The following LAMA2 variants were observed in gnomAD, a reference collection of about 807,000 sequenced individuals.
The protein encoded by LAMA2 is laminin subunit alpha 2.
Under a neutral mutation model 364.8 loss-of-function variants are expected in LAMA2, and 269 were observed. The ratio of observed to expected loss-of-function variants is 0.74; its 90% CI spans 0.67 to 0.82. LAMA2 has a LOEUF of 0.82. LAMA2 is among the 40% of genes least tolerant of loss of function. LAMA2 has a pLI of 0.00. For synonymous variants in LAMA2, 1,379 were observed against 1,370.6 expected, an observed-to-expected ratio of 1.01 and a Z score of -0.14; for missense variants, 3,807 against 3,873.2, an observed-to-expected ratio of 0.98 and a Z score of 0.45.
At chr6:129,211,636 G>T (rs146078755) in intron 12 of LAMA2, among the ~76,000 whole-genome samples, 1 of 152,128 alleles carries the variant, frequency 6.6e-6, no homozygotes, top group African/African-American at 2.4e-5. Context: ...CCTTCAGTAC[G>T]GGATTTCTTT....
At chr6:129,391,694 GA>G (rs777171128) in intron 36 of LAMA2, 41 bp downstream of exon 36, 1 of 1,550,564 alleles carries the variant, frequency 6.4e-7, no homozygotes, top group South Asian at 1.1e-5. Context: ...GACAAACTGA[GA>G]TTTCCAGATA....
chr6:129,188,114 T>C (rs1239476738), intron 10 of LAMA2, among the ~76,000 whole-genome samples: 1 of 151,858 alleles, frequency 6.6e-6, no homozygotes. Context: ...CAGATGCACT[T>C]ACCATATTCC....
At chr6:129,319,156 G>A (rs773265199) in intron 27 of LAMA2, among the ~76,000 whole-genome samples, 9 of 152,022 alleles carry the variant, frequency 5.9e-5, no homozygotes, top group Non-Finnish European at 8.8e-5. Context: ...TAGATTATGC[G>A]TGATCATTAT....
intron 1 of LAMA2, 126 bp from the exon 2 acceptor site, chr6:129,049,792 A>C: frequency 1.3e-6 from 1 of 761,864 alleles, no homozygotes; most frequent in Non-Finnish European, 2.3e-6. Flanking sequence ...GGTATTTATC[A>C]TTAATTATCT....
At chr6:129,513,261 T>A (rs1786748532) in intron 63 of LAMA2, among the ~76,000 whole-genome samples, 1 of 152,156 alleles carries the variant, frequency 6.6e-6, no homozygotes, top group Admixed American at 6.5e-5. Context: ...TCTGCTCAAT[T>A]TTCAAACTGT....
intron 34 of LAMA2, among the ~76,000 whole-genome samples, chr6:129,376,764 C>G (rs897070819): frequency 6.6e-6 from 1 of 152,176 alleles, no homozygotes; most frequent in Non-Finnish European, 1.5e-5. Flanking sequence ...TGTGCCATCG[C>G]AGGGGTTCCA....
At position 129,473,309 on chromosome 6, in the gene LAMA2, G is replaced by A. The variant is rs772258996; in HGVS notation, c.7396G>A (p.Asp2466Asn). 2 of 1,612,592 alleles carry A rather than the reference G, an allele frequency of 1.2e-6. No individual in the cohort carries two copies. Among genetic ancestry groups the A allele is most frequent in the Admixed American group, 1.7e-5 (1 of 59,950 alleles). The change falls in exon 52 of 65, where the codon GAC becomes AAC. Residue 2466 changes from aspartate to asparagine, a missense_variant. Physicochemically the swap from Asp to Asn is conservative, Grantham distance 23. Around this residue, in one of 3 missense-constraint regions of LAMA2, gnomAD observed 3,333 missense variants for 3,345.7 expected, o/e 1.00. Transcript: ENST00000421865. Reference sequence around the variant, plus strand: ...CTTTGGTCTTGACTTGAAAGCAGATGACAAAATATATTTTGGTGGCCTGCC... The same window carrying A: ...CTTTGGTCTTGACTTGAAAGCAGATAACAAAATATATTTTGGTGGCCTGCC... ...NNFGLDLKADDKIYFGGLPTL... is the reference protein window; with the variant it reads ...NNFGLDLKADNKIYFGGLPTL...
At chr6:129,281,162 T>A (rs1489172465) in intron 18 of LAMA2, among the ~76,000 whole-genome samples, 1 of 151,808 alleles carries the variant, frequency 6.6e-6, no homozygotes, top group Non-Finnish European at 1.5e-5. Flanking sequence ...GAAAAAAAAA[T>A]GAAACAAGCA....
At chr6:129,503,314 G>C in intron 60 of LAMA2, 34 bp downstream of exon 60, 1 of 1,585,644 alleles carries the variant, frequency 6.3e-7, no homozygotes, top group Non-Finnish European at 8.6e-7. Flanking sequence ...AGTACCCTAA[G>C]GGAATTACTG....
At chr6:128,892,177 G>C (rs1776492613) in intron 1 of LAMA2, among the ~76,000 whole-genome samples, 1 of 151,878 alleles carries the variant, frequency 6.6e-6, no homozygotes, top group Non-Finnish European at 1.5e-5. Flanking sequence ...ATTTCTTTGA[G>C]GAGACCCTAA....
intron 1 of LAMA2, among the ~76,000 whole-genome samples, chr6:128,972,212 A>C (rs2114618881): frequency 6.6e-6 from 1 of 152,112 alleles, no homozygotes; most frequent in South Asian, 2.1e-4. Flanking sequence ...TGTTTGAAAA[A>C]CCTTATTTTG....
At chr6:129,434,462 A>T (rs1781743939) in intron 41 of LAMA2, among the ~76,000 whole-genome samples, 1 of 152,170 alleles carries the variant, frequency 6.6e-6, no homozygotes, top group South Asian at 2.1e-4. Context: ...TTAGAGAGAA[A>T]GTAGAATGAC....
chr6:129,122,901 T>C (rs367980938), intron 4 of LAMA2, among the ~76,000 whole-genome samples: 2 of 152,164 alleles, frequency 1.3e-5, no homozygotes, highest in African/African-American at 4.8e-5. Flanking sequence ...TTAACACTGA[T>C]AATTAAATAA....
At position 129,257,405 on chromosome 6, in the gene LAMA2, G is replaced by A. The variant is rs529089845; in HGVS notation, c.2097-3306G>A. Among the ~76,000 whole-genome samples the A allele has an allele frequency of 3.9e-5, 6 of 152,156 alleles. No individual in the cohort carries two copies. In the South Asian group the frequency reaches 1.2e-3, roughly 32 times the overall value. On this transcript the variant is annotated intron_variant, in intron 14 of 64. Transcript: ENST00000421865. ...AGAATGGTTACACAGATTAAGGAGA[G>A]GAATGTCTGTTGTTCAAAAGACAAA...
At chr6:129,352,933 TCAA>T (rs1776934875) in intron 31 of LAMA2, among the ~76,000 whole-genome samples, 1 of 152,088 alleles carries the variant, frequency 6.6e-6, no homozygotes. Flanking sequence ...TTCAATTCCA[TCAA>T]CAACAGCAGA....
At chr6:128,959,897 A>T (rs897895136) in intron 1 of LAMA2, among the ~76,000 whole-genome samples, 8 of 151,966 alleles carry the variant, frequency 5.3e-5, no homozygotes, top group Non-Finnish European at 2.9e-5. Context: ...TACTTTAAAA[A>T]CTTTTCTAAA....
chr6:129,478,032 G>A (rs542872169), intron 53 of LAMA2, among the ~76,000 whole-genome samples: 25 of 152,174 alleles, frequency 1.6e-4, no homozygotes, highest in African/African-American at 4.6e-4. Flanking sequence ...GGCCTCAAGC[G>A]ATCCTCCCTC....
chr6:129,178,233 A>T lies in LAMA2; in HGVS notation c.1467+367A>T, dbSNP rs3778136. Among the ~76,000 whole-genome samples the T allele has an allele frequency of 7.0e-4, 107 of 152,326 alleles. 4 individuals are homozygous for T. In the East Asian group the frequency reaches 0.02, roughly 28 times the overall value. On this transcript the variant is annotated intron_variant, in intron 10 of 64. Coordinates refer to ENST00000421865, the MANE Select transcript of LAMA2 (RefSeq NM_000426.4). Reference sequence around the variant, plus strand: ...ATCTAATTCAGTAATGAATTCTGTCAAGGGTTTTATTCTGAATTTTTAAAT... The same window carrying T: ...ATCTAATTCAGTAATGAATTCTGTCTAGGGTTTTATTCTGAATTTTTAAAT...
At chr6:129,038,381 A>T (rs1308671749) in intron 1 of LAMA2, among the ~76,000 whole-genome samples, 2 of 152,194 alleles carry the variant, frequency 1.3e-5, no homozygotes, top group Non-Finnish European at 2.9e-5. Flanking sequence ...TGATATTTAT[A>T]TCCATCTTCC....
Sources: gnomAD v4.1 joint callset for allele counts (sites outside exome capture counted in the v4.1 genomes callset) on GRCh38, gnomAD v4.1.1 for gene constraint, gnomAD v4.1.1 regional missense constraint, MANE v1.5 for transcripts, NCBI Gene and HGNC (gene_info 2026-07-23, HGNC 2026-07-21) for gene names.